The following TRHDE variants were observed in gnomAD, a reference collection of about 807,000 sequenced individuals.
The protein encoded by TRHDE is thyrotropin-releasing hormone-degrading ectoenzyme.
Under a neutral mutation model 125.7 loss-of-function variants are expected in TRHDE, and 72 were observed. The observed-to-expected ratio is 0.57, with a 90% confidence interval of 0.47 to 0.70. TRHDE has a LOEUF of 0.70. Among genes scored for constraint, TRHDE ranks in the 30% least tolerant of loss-of-function variants. The probability of loss-of-function intolerance (pLI) is 0.00; values close to 1 mark genes in which losing one functional copy is unlikely to be tolerated. For missense variants in TRHDE, 1,110 were observed against 1,327.1 expected, an observed-to-expected ratio of 0.84 and a Z score of 2.54; for synonymous variants, 509 against 509.1, an observed-to-expected ratio of 1.00 and a Z score of 0.00.
At chr12:72,549,155 T>C (rs1565786556) in intron 7 of TRHDE, among the ~76,000 whole-genome samples, 1 of 151,890 alleles carries the variant, frequency 6.6e-6, no homozygotes, top group Non-Finnish European at 1.5e-5. Context: ...TATTGGTTTG[T>C]GCTCATAAAA....
At chr12:72,397,277 T>C (rs969653616) in intron 3 of TRHDE, among the ~76,000 whole-genome samples, 3 of 152,216 alleles carry the variant, frequency 2.0e-5, no homozygotes, top group African/African-American at 7.2e-5. Context: ...TTTTACTAAT[T>C]CTCCACATTT....
intron 7 of TRHDE, among the ~76,000 whole-genome samples, chr12:72,548,101 G>A (rs766042129): frequency 6.6e-6 from 1 of 151,742 alleles, no homozygotes; most frequent in Non-Finnish European, 1.5e-5. Context: ...CATTGGGGTG[G>A]AATATATGCA....
chr12:72,393,021 A>G (rs1466008002), intron 3 of TRHDE, among the ~76,000 whole-genome samples: 1 of 152,136 alleles, frequency 6.6e-6, no homozygotes, highest in Non-Finnish European at 1.5e-5. Flanking sequence ...ACATTTGTAT[A>G]CAAATTTATT....
At chr12:72,560,315 G>C (rs1017546017) in intron 7 of TRHDE, among the ~76,000 whole-genome samples, 2 of 152,122 alleles carry the variant, frequency 1.3e-5, no homozygotes, top group African/African-American at 4.8e-5. Flanking sequence ...AAACTGAGGA[G>C]GGAAGAAATA....
chr12:72,537,453 C>T (rs948840500), intron 6 of TRHDE, among the ~76,000 whole-genome samples: 2 of 151,996 alleles, frequency 1.3e-5, no homozygotes, highest in African/African-American at 2.4e-5. Context: ...GTTTTTCCTG[C>T]GTGCTCACAC....
At chr12:72,417,766 T>C (rs776139900) in intron 3 of TRHDE, among the ~76,000 whole-genome samples, 1 of 152,040 alleles carries the variant, frequency 6.6e-6, no homozygotes, top group Non-Finnish European at 1.5e-5. Context: ...TAAGTACTTC[T>C]AGATCATCAT....
At chr12:72,376,697 T>C (rs2135773295) in intron 2 of TRHDE, among the ~76,000 whole-genome samples, 1 of 152,320 alleles carries the variant, frequency 6.6e-6, no homozygotes, top group Non-Finnish European at 1.5e-5. Context: ...CTGTTCTCTC[T>C]CTTTAGGCAG....
At chr12:72,414,202 G>C (rs977418777) in intron 3 of TRHDE, among the ~76,000 whole-genome samples, 40 of 151,980 alleles carry the variant, frequency 2.6e-4, no homozygotes, top group Admixed American at 1.8e-3. Context: ...TGTATGACCG[G>C]GGTCAAATTT....
At chr12:72,565,550 A>G (rs1870399871) in intron 9 of TRHDE, among the ~76,000 whole-genome samples, 1 of 152,164 alleles carries the variant, frequency 6.6e-6, no homozygotes, top group Non-Finnish European at 1.5e-5. Context: ...ATTGCAATGT[A>G]AAGTAATGAT....
chr12:72,390,806 T>A (rs1215412415), intron 3 of TRHDE, among the ~76,000 whole-genome samples: 2 of 152,192 alleles, frequency 1.3e-5, no homozygotes, highest in Non-Finnish European at 2.9e-5. Context: ...AGTCTTATGA[T>A]CTTATCAGAT....
intron 2 of TRHDE, among the ~76,000 whole-genome samples, chr12:72,207,334 C>G (rs992367709): frequency 6.6e-6 from 1 of 152,068 alleles, no homozygotes; most frequent in Non-Finnish European, 1.5e-5. Flanking sequence ...TTTAGGCAAA[C>G]AAAGAAAGCA....
chr12:72,248,247 G>A (rs960544229), intron 2 of TRHDE, among the ~76,000 whole-genome samples: 27 of 151,962 alleles, frequency 1.8e-4, no homozygotes, highest in South Asian at 2.1e-4. Context: ...GTGAAACCCC[G>A]TCTCTACTAA....
chr12:72,340,043 A>G (rs1870010923), intron 2 of TRHDE, among the ~76,000 whole-genome samples: 1 of 152,186 alleles, frequency 6.6e-6, no homozygotes, highest in Non-Finnish European at 1.5e-5. Context: ...ACTGCATTGC[A>G]GGTCAGCTTC....
chr12:72,117,512 A>G (rs778364787), intron 2 of TRHDE, among the ~76,000 whole-genome samples: 1 of 152,094 alleles, frequency 6.6e-6, no homozygotes, highest in Non-Finnish European at 1.5e-5. Flanking sequence ...GGATAATGCG[A>G]TTCCTCCAGT....
chr12:72,125,217 C>A (rs753624162), intron 2 of TRHDE, among the ~76,000 whole-genome samples: 4 of 152,010 alleles, frequency 2.6e-5, no homozygotes, highest in Non-Finnish European at 5.9e-5. Flanking sequence ...TTTTTCTATT[C>A]TCTGGAATCG....
intron 3 of TRHDE, among the ~76,000 whole-genome samples, chr12:72,430,326 C>CATATATACATGT (rs1330096486): frequency 1.4e-5 from 2 of 140,764 alleles, no homozygotes; most frequent in African/African-American, 2.6e-5. Flanking sequence ...TACATGTATA[C>CATATATACATGT]ATATATACAT....
At chr12:72,406,552 A>ATTAAAACAACC in intron 3 of TRHDE, among the ~76,000 whole-genome samples, 1 of 152,136 alleles carries the variant, frequency 6.6e-6, no homozygotes, top group Admixed American at 6.6e-5. Flanking sequence ...TTCTTCTCCT[A>ATTAAAACAACC]AGGGAGAGAT....
At chr12:72,464,675 A>G (rs1876284478) in intron 3 of TRHDE, among the ~76,000 whole-genome samples, 1 of 152,226 alleles carries the variant, frequency 6.6e-6, no homozygotes, top group South Asian at 2.1e-4. Context: ...GAAGTGGAGG[A>G]AAAACATGGA....
At chr12:72,359,501 C>T (rs1486809445) in intron 2 of TRHDE, among the ~76,000 whole-genome samples, 1 of 151,574 alleles carries the variant, frequency 6.6e-6, no homozygotes, top group Non-Finnish European at 1.5e-5. Context: ...CAATAGGTAG[C>T]TAATATCAGA....
Sources: gnomAD v4.1 joint callset for allele counts (sites outside exome capture counted in the v4.1 genomes callset) on GRCh38, gnomAD v4.1.1 for gene constraint, MANE v1.5 for transcripts, NCBI Gene and HGNC (gene_info 2026-07-23, HGNC 2026-07-21) for gene names.